CERS6: variants seen among roughly 807,000 people sequenced by gnomAD.
The protein encoded by CERS6 is LAG1 homolog, ceramide synthase 6.
A neutral mutation model predicts 56.8 loss-of-function variants in CERS6; 26 were observed. The observed-to-expected ratio is 0.46, with a 90% CI of 0.34 to 0.63. The LOEUF (loss-of-function observed/expected upper bound fraction) is 0.63. CERS6 is among the 30% of genes least tolerant of loss of function. The pLI, the probability that CERS6 is intolerant of heterozygous loss-of-function variation, is 0.01. For missense variants in CERS6, 415 were observed against 467.5 expected, an observed-to-expected ratio of 0.89 and a Z score of 1.04; for synonymous variants, 164 against 173.3, an observed-to-expected ratio of 0.95 and a Z score of 0.42.
chr2:168,645,116 A>AAAAAT lies in CERS6; in HGVS notation c.465+14075_465+14076insAAATA, dbSNP rs1553503146. Among the ~76,000 whole-genome samples, 16 of 19,034 alleles carry AAAAAT rather than the reference A, an allele frequency of 8.4e-4. 6 individuals carry two copies. Among genetic ancestry groups the AAAAAT allele is most frequent in the Admixed American group, 1.6e-3 (2 of 1,222 alleles). The allele number at this position is 19,034 out of a possible 152,430, so 12.5% of individuals were successfully genotyped here. ...AAAAAAAAAAAAAAAAAAAAAAAAA[A>AAAAAT]ATATATATATATATATATATATATA... On this transcript the variant is annotated intron_variant, in intron 4 of 9. Transcript: ENST00000305747.
intron 3 of CERS6, among the ~76,000 whole-genome samples, chr2:168,577,888 A>C (rs1051174795): frequency 3.3e-5 from 5 of 152,184 alleles, no homozygotes; most frequent in African/African-American, 1.2e-4. Flanking sequence ...GCCTATCTGC[A>C]TGTGGGTGGC....
At chr2:168,719,192 G>A (rs1454176642) in intron 8 of CERS6, among the ~76,000 whole-genome samples, 1 of 152,162 alleles carries the variant, frequency 6.6e-6, no homozygotes, top group African/African-American at 2.4e-5. Context: ...TGCCCTTGGG[G>A]CATTTACAGT....
intron 9 of CERS6, among the ~76,000 whole-genome samples, chr2:168,766,016 T>G (rs1359214009): frequency 6.6e-6 from 1 of 152,216 alleles, no homozygotes; most frequent in Non-Finnish European, 1.5e-5. Flanking sequence ...CTGTCAACCT[T>G]GGACCTCCTC....
intron 8 of CERS6, among the ~76,000 whole-genome samples, chr2:168,728,009 G>A (rs1401931799): frequency 1.3e-5 from 2 of 152,212 alleles, no homozygotes; most frequent in African/African-American, 4.8e-5. Flanking sequence ...AAATTTTAAT[G>A]TAATTTCAGG....
At chr2:168,504,867 T>G (rs1694647896) in intron 1 of CERS6, among the ~76,000 whole-genome samples, 1 of 152,136 alleles carries the variant, frequency 6.6e-6, no homozygotes, top group South Asian at 2.1e-4. Context: ...AGGTAGAGGT[T>G]TGTTGGGGTC....
intron 1 of CERS6, among the ~76,000 whole-genome samples, chr2:168,469,850 G>A (rs1308550062): frequency 2.0e-5 from 3 of 152,058 alleles, no homozygotes. Context: ...AGAAATACTG[G>A]CAGAGATAAA....
intron 3 of CERS6, among the ~76,000 whole-genome samples, chr2:168,574,621 T>C (rs1395435313): frequency 6.6e-6 from 1 of 152,214 alleles, no homozygotes; most frequent in Non-Finnish European, 1.5e-5. Context: ...TTAAATAAAA[T>C]GATTCGTGTA....
intron 4 of CERS6, among the ~76,000 whole-genome samples, chr2:168,664,137 T>A (rs1438245386): frequency 1.3e-5 from 2 of 152,164 alleles, no homozygotes; most frequent in African/African-American, 4.8e-5. Context: ...AGCTGCACAC[T>A]CAGCTGCCAA....
At chr2:168,552,905 A>G (rs530113563) in intron 2 of CERS6, among the ~76,000 whole-genome samples, 1 of 152,356 alleles carries the variant, frequency 6.6e-6, no homozygotes, top group South Asian at 2.1e-4. Context: ...TTTCACTAGA[A>G]TAATGAGGCT....
At chr2:168,616,368 C>T (rs777086864) in intron 3 of CERS6, among the ~76,000 whole-genome samples, 1 of 152,054 alleles carries the variant, frequency 6.6e-6, no homozygotes, top group Non-Finnish European at 1.5e-5. Context: ...ATAATGAATG[C>T]AATAGTACCT....
At chr2:168,493,307 C>T (rs75576364) in intron 1 of CERS6, among the ~76,000 whole-genome samples, 6,556 of 152,184 alleles carry the variant, frequency 0.043, 275 homozygotes, top group African/African-American at 0.1. Flanking sequence ...TGTGAAAACA[C>T]CTAACAGGCT....
chr2:168,592,701 CAGCTGTT>C (rs1683704247), intron 3 of CERS6, among the ~76,000 whole-genome samples: 1 of 152,098 alleles, frequency 6.6e-6, no homozygotes, highest in Admixed American at 6.5e-5. Context: ...GGATTTTCCT[CAGCTGTT>C]ACGCTGCTGT....
chr2:168,588,528 GC>G (rs1462100836), intron 3 of CERS6, among the ~76,000 whole-genome samples: 1 of 151,994 alleles, frequency 6.6e-6, no homozygotes. Flanking sequence ...TTTTGTAACT[GC>G]CTTATTTCAC....
chr2:168,621,474 C>T (rs1453028507), intron 3 of CERS6, among the ~76,000 whole-genome samples: 1 of 152,120 alleles, frequency 6.6e-6, no homozygotes, highest in African/African-American at 2.4e-5. Context: ...AGTGTATATT[C>T]AGGGGAATTC....
chr2:168,710,582 G>A (rs560600778), intron 6 of CERS6, among the ~76,000 whole-genome samples: 1 of 152,292 alleles, frequency 6.6e-6, no homozygotes, highest in Non-Finnish European at 1.5e-5. Flanking sequence ...TTATTATCTG[G>A]TAGAACACTA....
intron 3 of CERS6, among the ~76,000 whole-genome samples, chr2:168,595,943 G>T (rs1053177951): frequency 2.6e-5 from 4 of 151,840 alleles, no homozygotes; most frequent in East Asian, 3.9e-4. Flanking sequence ...GCCCAAATTG[G>T]CAAGACGTTA....
intron 4 of CERS6, among the ~76,000 whole-genome samples, chr2:168,665,005 A>C (rs1251012610): frequency 2.0e-5 from 3 of 152,116 alleles, no homozygotes; most frequent in Non-Finnish European, 4.4e-5. Context: ...CAGGCTTTTT[A>C]CAAAACAAAT....
chr2:168,603,690 G>A (rs1287677579), intron 3 of CERS6, among the ~76,000 whole-genome samples: 1 of 152,184 alleles, frequency 6.6e-6, no homozygotes, highest in Non-Finnish European at 1.5e-5. Flanking sequence ...GCTGCCAGTG[G>A]GAGACCTGAT....
chr2:168,538,241 C>CA (rs59857969), intron 1 of CERS6, among the ~76,000 whole-genome samples: 2,568 of 98,652 alleles, frequency 0.026, 39 homozygotes, highest in East Asian at 0.067. Context: ...GTGTAAAAAC[C>CA]AAAAAAAAAA....
Sources: allele counts gnomAD v4.1 joint callset (sites outside exome capture counted in the v4.1 genomes callset), GRCh38; gene constraint gnomAD v4.1.1; transcripts MANE v1.5; gene names NCBI Gene and HGNC (gene_info 2026-07-23, HGNC 2026-07-21).